AGBL4: variants seen among roughly 807,000 people sequenced by gnomAD.
AGBL4 encodes the protein AGBL carboxypeptidase 4.
AGBL4 carries 58 observed loss-of-function variants against 66.4 expected under a neutral mutation model. The ratio of observed to expected loss-of-function variants is 0.87; its 90% CI spans 0.71 to 1.09. The LOEUF (loss-of-function observed/expected upper bound fraction) is 1.09. AGBL4 is among the 50% of genes least tolerant of loss of function. The pLI, the probability that AGBL4 is intolerant of heterozygous loss-of-function variation, is 0.00. For missense variants in AGBL4, 579 were observed against 631.0 expected (o/e 0.92, Z 0.88); for synonymous variants, 234 against 222.9 (o/e 1.05, Z -0.44).
chr1:49,411,302 A>G (rs1468847239), intron 3 of AGBL4, among the ~76,000 whole-genome samples: 1 of 152,230 alleles, frequency 6.6e-6, no homozygotes, highest in Non-Finnish European at 1.5e-5. Flanking sequence ...AGACTCAACA[A>G]GCCAGTTTTA....
intron 4 of AGBL4, among the ~76,000 whole-genome samples, chr1:49,108,721 A>G (rs1365682435): frequency 6.6e-6 from 1 of 152,194 alleles, no homozygotes; most frequent in African/African-American, 2.4e-5. Flanking sequence ...TGGCATAATT[A>G]ACATAACATG....
chr1:49,514,111 G>A (rs1649530980), intron 3 of AGBL4, among the ~76,000 whole-genome samples: 2 of 151,916 alleles, frequency 1.3e-5, no homozygotes, highest in South Asian at 4.1e-4. Context: ...AGCTTAAGGA[G>A]ATTTTGGGCT....
At chr1:49,140,321 C>T (rs778740539) in intron 4 of AGBL4, among the ~76,000 whole-genome samples, 2 of 152,162 alleles carry the variant, frequency 1.3e-5, no homozygotes, top group Non-Finnish European at 1.5e-5. Context: ...GGCCTGAAGC[C>T]CTCAAGATAT....
chr1:49,256,776 G>A (rs1216123921), intron 3 of AGBL4, among the ~76,000 whole-genome samples: 1 of 152,200 alleles, frequency 6.6e-6, no homozygotes, highest in Non-Finnish European at 1.5e-5. Flanking sequence ...AGTTTACATT[G>A]CTGTGGATTT....
chr1:48,697,114 C>T (rs1037423598), intron 6 of AGBL4, among the ~76,000 whole-genome samples: 2 of 152,188 alleles, frequency 1.3e-5, no homozygotes, highest in Admixed American at 1.3e-4. Context: ...ACCAACTCAG[C>T]CCCTGCCAGT....
At chr1:49,019,855 A>G (rs900362629) in intron 5 of AGBL4, among the ~76,000 whole-genome samples, 1 of 152,200 alleles carries the variant, frequency 6.6e-6, no homozygotes, top group East Asian at 1.9e-4. Context: ...GATTTTAGGC[A>G]AGTTATTTAG....
At chr1:49,090,642 G>T (rs1228645667) in intron 4 of AGBL4, among the ~76,000 whole-genome samples, 1 of 152,128 alleles carries the variant, frequency 6.6e-6, no homozygotes, top group East Asian at 1.9e-4. Flanking sequence ...ATTCAATATT[G>T]TTAAAGTGAC....
chr1:49,103,680 T>C (rs1645242765), intron 4 of AGBL4, among the ~76,000 whole-genome samples: 1 of 152,168 alleles, frequency 6.6e-6, no homozygotes, highest in African/African-American at 2.4e-5. Flanking sequence ...CCTTATGGAA[T>C]AGGTAACTGG....
chr1:49,836,987 G>A (rs562245721), intron 2 of AGBL4, among the ~76,000 whole-genome samples: 6 of 152,250 alleles, frequency 3.9e-5, no homozygotes, highest in South Asian at 2.1e-4. Flanking sequence ...GATGCCAAAC[G>A]GAGCTCTCCT....
intron 3 of AGBL4, among the ~76,000 whole-genome samples, chr1:49,319,536 G>C (rs975543039): frequency 2.6e-5 from 4 of 152,088 alleles, no homozygotes; most frequent in African/African-American, 9.7e-5. Flanking sequence ...CAAGATGGCT[G>C]ATCAAACTCC....
At chr1:48,693,162 C>G (rs1477118605) in intron 6 of AGBL4, among the ~76,000 whole-genome samples, 1 of 152,202 alleles carries the variant, frequency 6.6e-6, no homozygotes, top group African/African-American at 2.4e-5. Flanking sequence ...TAATCCTTAT[C>G]TGTTTGTCCT....
At chr1:49,220,400 T>C (rs1228709674) in intron 4 of AGBL4, among the ~76,000 whole-genome samples, 3 of 152,164 alleles carry the variant, frequency 2.0e-5, no homozygotes, top group African/African-American at 7.2e-5. Flanking sequence ...TACATTGCTT[T>C]GGGTAATTTC....
intron 3 of AGBL4, among the ~76,000 whole-genome samples, chr1:49,296,713 T>C (rs1644650252): frequency 6.6e-6 from 1 of 152,076 alleles, no homozygotes; most frequent in Non-Finnish European, 1.5e-5. Context: ...TTGAATTGAG[T>C]TCTTTGGGTT....
intron 6 of AGBL4, among the ~76,000 whole-genome samples, chr1:48,675,061 G>A (rs1363719216): frequency 6.6e-6 from 1 of 152,190 alleles, no homozygotes; most frequent in Non-Finnish European, 1.5e-5. Flanking sequence ...ATTTTGACAT[G>A]GTTGTTTTGA....
chr1:49,404,386 C>T (rs1329205055), intron 3 of AGBL4, among the ~76,000 whole-genome samples: 1 of 152,190 alleles, frequency 6.6e-6, no homozygotes, highest in Admixed American at 6.5e-5. Flanking sequence ...TTGCCACTAT[C>T]TTGATCATGG....
At chr1:49,061,196 G>C (rs771336002) in intron 4 of AGBL4, among the ~76,000 whole-genome samples, 1 of 152,122 alleles carries the variant, frequency 6.6e-6, no homozygotes, top group Admixed American at 6.5e-5. Context: ...GAGGAGGGGA[G>C]TAGGATTACT....
intron 1 of AGBL4, among the ~76,000 whole-genome samples, chr1:50,012,698 C>T (rs1661642400): frequency 6.6e-6 from 1 of 152,074 alleles, no homozygotes; most frequent in Non-Finnish European, 1.5e-5. Context: ...TTTTGTCACC[C>T]TAAAAGCAAG....
intron 5 of AGBL4, among the ~76,000 whole-genome samples, chr1:48,894,565 C>T (rs958792733): frequency 6.6e-6 from 1 of 152,004 alleles, no homozygotes; most frequent in Non-Finnish European, 1.5e-5. Flanking sequence ...GCACTCTCCT[C>T]CAGGGTCACT....
chr1:49,935,384 T>C (rs552726015), intron 1 of AGBL4, among the ~76,000 whole-genome samples: 1 of 152,330 alleles, frequency 6.6e-6, no homozygotes, highest in East Asian at 1.9e-4. Flanking sequence ...CCTGCCTCTG[T>C]AGGCTCCACC....
Sources: allele counts gnomAD v4.1 joint callset (sites outside exome capture counted in the v4.1 genomes callset), GRCh38; gene constraint gnomAD v4.1.1; transcripts MANE v1.5; gene names NCBI Gene and HGNC (gene_info 2026-07-23, HGNC 2026-07-21).